Variants in VMA21 observed in about 807,000 individuals in gnomAD.
VMA21 encodes the protein vacuolar ATPase assembly integral membrane protein VMA21.
For missense variants in VMA21, 61 were observed against 80.6 expected, an observed-to-expected ratio of 0.76 and a Z score of 0.93; for synonymous variants, 47 against 34.1, an observed-to-expected ratio of 1.38 and a Z score of -1.32.
chrX:151,405,112 T>C lies in VMA21; in HGVS notation c.*54T>C. The C allele has an allele frequency of 2.6e-6, 3 of 1,169,923 alleles. No homozygotes were observed. Among genetic ancestry groups the C allele is most frequent in the Non-Finnish European group, 3.5e-6 (3 of 863,457 alleles). ...ATTCATTTTTTAAAATGATAAATGC[T>C]GGAGGGGGCCATCTGATTTGAATAA... On this transcript the variant is annotated 3_prime_UTR_variant, in exon 3 of 3. Transcript: ENST00000330374.
At chrX:151,397,164 G>A (rs2011198767), upstream of VMA21, 2 of 557,975 alleles carry the variant, frequency 3.6e-6, no homozygotes, top group Admixed American at 1.2e-4. Flanking sequence ...CGGCGCGAAC[G>A]GGCACTTCCG....
chrX:151,396,947 C>A (rs2011194076), upstream of VMA21: 2 of 524,493 alleles, frequency 3.8e-6, no homozygotes, highest in East Asian at 7.2e-5. Flanking sequence ...CCAGGAGGAC[C>A]ATGTTGCGCG....
At chrX:151,398,047 G>C (rs1277503577) in intron 1 of VMA21, among the ~76,000 whole-genome samples, 1 of 110,751 alleles carries the variant, frequency 9.0e-6, no homozygotes, top group East Asian at 2.8e-4. Context: ...TTGAAACTGA[G>C]GGTGAGTGAT....
In VMA21 at chrX:151,405,765, T is replaced by G. The variant is rs183611158; in HGVS notation, c.*707T>G. 2 of 112,201 alleles carry G rather than the reference T, an allele frequency of 1.8e-5. No homozygotes were observed. The highest frequency in any genetic ancestry group is 1.9e-4 in the Admixed American group (2 of 10,594). The allele number at this position is 112,201 out of a possible 1,213,427, so 9.2% of individuals were successfully genotyped here. ...GCTTTGTGCTTTGCAGACCAACTTT[T>G]TAATGAGATACTTTGCTTCCTCATT... On this transcript the variant is annotated 3_prime_UTR_variant, in exon 3 of 3. Transcript: ENST00000330374.
upstream of VMA21, chrX:151,397,147 CG>C: frequency 4.4e-6 from 2 of 459,654 alleles, no homozygotes; most frequent in Non-Finnish European, 3.2e-6. Context: ...TACTGTGGCC[CG>C]CCGCCCGGCG....
At chrX:151,396,935 G>A (rs1203258433), upstream of VMA21, 3 of 524,222 alleles carry the variant, frequency 5.7e-6, no homozygotes, top group Non-Finnish European at 1.0e-5. Context: ...GCCGCCGCCC[G>A]CCCAGGAGGA....
chrX:151,400,767 G>A (rs988296352), intron 1 of VMA21, among the ~76,000 whole-genome samples: 3 of 111,860 alleles, frequency 2.7e-5, no homozygotes, highest in African/African-American at 9.8e-5. Context: ...ATCTCATAGT[G>A]GTTTTGATTT....
chrX:151,404,920 C>A lies in VMA21; in HGVS notation c.168C>A (p.Ala56=). Reference sequence around the variant, plus strand: ...CTGTTTTTTTTCTCTTGATAGGCGCCCTTGGGATGTCCAATAGGGACAGCT... The same window carrying A: ...CTGTTTTTTTTCTCTTGATAGGCGCACTTGGGATGTCCAATAGGGACAGCT... ...FTTKSYIFEG[A]LGMSNRDSYF... The change falls in exon 3 of 3, where the codon GCC becomes GCA. Residue 56 remains alanine, a synonymous_variant. Transcript: ENST00000330374. 2 of 1,209,150 alleles carry A rather than the reference C, an allele frequency of 1.7e-6. No homozygotes were observed. The highest frequency in any genetic ancestry group is 2.2e-6 in the Non-Finnish European group (2 of 894,908).
At position 151,404,941 on chromosome X, in the gene VMA21, C is replaced by T. The variant is rs2011273693; in HGVS notation, c.189C>T (p.Asp63=). The stretch of plus-strand genomic sequence containing the variant: ...GCGCCCTTGGGATGTCCAATAGGGA[C>T]AGCTATTTTTACGCTGCTATTGTTG... ...FEGALGMSNR[D]SYFYAAIVAV... is the part of the protein sequence containing the mutation. The change falls in exon 3 of 3, where the codon GAC becomes GAT. Residue 63 remains aspartate (D), a synonymous_variant. Coordinates refer to ENST00000330374, the MANE Select transcript of VMA21 (RefSeq NM_001017980.4). 1 of 1,209,122 alleles carries T rather than the reference C, an allele frequency of 8.3e-7. No homozygotes were observed. The highest frequency in any genetic ancestry group is 1.1e-6 in the Non-Finnish European group (1 of 894,908).
intron 1 of VMA21, among the ~76,000 whole-genome samples, chrX:151,398,750 A>G (rs5924631): frequency 0.014 from 1,594 of 112,229 alleles, 16 homozygotes; most frequent in South Asian, 0.026. Context: ...CTTACTTGCT[A>G]CAAAAGGGAA....
upstream of VMA21, chrX:151,396,943 G>C (rs1050246845): frequency 1.9e-6 from 1 of 524,477 alleles, no homozygotes; most frequent in South Asian, 2.5e-5. Flanking sequence ...CCGCCCAGGA[G>C]GACCATGTTG....
intron 1 of VMA21, among the ~76,000 whole-genome samples, chrX:151,400,503 T>C (rs755809203): frequency 2.7e-5 from 3 of 111,980 alleles, no homozygotes; most frequent in Non-Finnish European, 3.8e-5. Context: ...TGAATAATGC[T>C]GCAATGAACA....
upstream of VMA21, chrX:151,396,885 G>A (rs1602813214): frequency 1.9e-6 from 1 of 524,829 alleles, no homozygotes; most frequent in Non-Finnish European, 3.5e-6. Context: ...CCGAGACGCA[G>A]ACGAGGACCA....
In VMA21 at chrX:151,407,385, AACT is replaced by A. The variant is rs2011303475; in HGVS notation, c.*2329_*2331del. Reference sequence around the variant, plus strand: ...AACTCACTAGTTTGCTGCTGTTTTTAACTATGTTAAATAACATATGGTATTTGG... The same window carrying A: ...AACTCACTAGTTTGCTGCTGTTTTTAATGTTAAATAACATATGGTATTTGG... On this transcript the variant is annotated 3_prime_UTR_variant, in exon 3 of 3. Transcript: ENST00000330374. 1 of 113,072 alleles carries A rather than the reference AACT, an allele frequency of 8.8e-6. No homozygotes were observed. The highest frequency in any genetic ancestry group is 3.2e-5 in the African/African-American group (1 of 31,046). The allele number at this position is 113,072 out of a possible 1,213,427, so 9.3% of individuals were successfully genotyped here.
Position 151,404,960 on chromosome X carries a change from A to T in VMA21, c.208A>T (p.Ile70Phe). 1.7e-6 allele frequency: 2 copies of T among 1,209,308 alleles called. No individual in the cohort carries two copies. Among genetic ancestry groups the T allele is most frequent in the Non-Finnish European group, 1.1e-6 (1 of 894,898 alleles). ...TAGGGACAGCTATTTTTACGCTGCT[A>T]TTGTTGCAGTGGTCGCCGTCCATGT... ...SNRDSYFYAA[I>F]VAVVAVHVVL... The change falls in exon 3 of 3, where the codon ATT becomes TTT. Residue 70 changes from isoleucine (I) to phenylalanine (F), a missense_variant. Ile to Phe is a conservative substitution (Grantham distance 21). Coordinates refer to ENST00000330374, the MANE Select transcript of VMA21 (RefSeq NM_001017980.4).
chrX:151,400,800 ATGT>A lies in VMA21; in HGVS notation c.54-2828_54-2826del, dbSNP rs377537540. ...TTTGCATTTCCCTGATGATTTAGTG[ATGT>A]TGAGCACATTTTCATTTATCTCTTG... On this transcript the variant is annotated intron_variant, in intron 1 of 2. Coordinates refer to ENST00000330374, the MANE Select transcript of VMA21 (RefSeq NM_001017980.4). Among the ~76,000 whole-genome samples the A allele has an allele frequency of 3.5e-3, 389 of 112,076 alleles. 4 individuals are homozygous for A. Among genetic ancestry groups the A allele is most frequent in the African/African-American group, 0.012 (377 of 30,872 alleles).
intron 1 of VMA21, 109 bp downstream of exon 1, chrX:151,397,470 A>T: frequency 1.1e-6 from 1 of 905,502 alleles, no homozygotes; most frequent in Non-Finnish European, 1.5e-6. Flanking sequence ...GACCCCGGGG[A>T]CCTGGCCTCA....
rs2011284286 is a variant in VMA21 at position 151,405,721 on chromosome X, C to T, written c.*663C>T. ...ACTCAAACACTCAGCCTGCTTCCTT[C>T]AAGTCCCCTTGCAGGCCAGCTTTGT... On this transcript the variant is annotated 3_prime_UTR_variant, in exon 3 of 3. Coordinates refer to ENST00000330374, the MANE Select transcript of VMA21 (RefSeq NM_001017980.4). 1 of 112,413 alleles carries T rather than the reference C, an allele frequency of 8.9e-6. No homozygotes were observed. The highest frequency in any genetic ancestry group is 1.9e-5 in the Non-Finnish European group (1 of 53,285). 9.3% of individuals were successfully genotyped at this position (112,413 alleles called of 1,213,427 possible).
chrX:151,396,912 A>G (rs2011193510), upstream of VMA21: 6 of 521,074 alleles, frequency 1.2e-5, no homozygotes, highest in South Asian at 2.5e-5. Flanking sequence ...ACGCGAGTTC[A>G]GGGGGCGGCG....
Sources: allele counts gnomAD v4.1 joint callset (sites outside exome capture counted in the v4.1 genomes callset), GRCh38; gene constraint gnomAD v4.1.1; transcripts MANE v1.5; gene names NCBI Gene and HGNC (gene_info 2026-07-23, HGNC 2026-07-21).